The following WDR70 variants were observed in gnomAD, a reference collection of about 807,000 sequenced individuals.
The protein encoded by WDR70 is WD repeat-containing protein 70.
Under a neutral mutation model 88.6 loss-of-function variants are expected in WDR70, and 53 were observed. The ratio of observed to expected loss-of-function variants is 0.60; its 90% CI spans 0.48 to 0.75. The LOEUF is 0.75. Ranked by LOEUF, WDR70 falls within the 30% of genes least tolerant of loss-of-function variation. The pLI is 0.00. For synonymous variants in WDR70, 280 were observed against 270.0 expected (o/e 1.04, Z -0.36); for missense variants, 610 against 823.2 (o/e 0.74, Z 3.17).
intron 8 of WDR70, among the ~76,000 whole-genome samples, chr5:37,499,587 TTCTCTCTCTCTCTC>T (rs72226896): frequency 2.4e-5 from 1 of 41,856 alleles, no homozygotes; most frequent in Admixed American, 3.2e-4. Context: ...TTTGGAAATA[TTCTCTCTCTCTCTC>T]TCTCTCTCTC....
At chr5:37,485,081 A>G (rs1739815246) in intron 8 of WDR70, among the ~76,000 whole-genome samples, 1 of 152,198 alleles carries the variant, frequency 6.6e-6, no homozygotes, top group Middle Eastern at 3.2e-3. Context: ...TCTGCCACAA[A>G]CATATTAAAG....
intron 17 of WDR70, among the ~76,000 whole-genome samples, chr5:37,750,624 T>C (rs1748776681): frequency 6.6e-6 from 1 of 152,210 alleles, no homozygotes; most frequent in Non-Finnish European, 1.5e-5. Flanking sequence ...GGGAAGGACC[T>C]AGTGGGAAGT....
intron 10 of WDR70, among the ~76,000 whole-genome samples, chr5:37,615,528 C>A (rs1322876598): frequency 6.6e-6 from 1 of 152,118 alleles, no homozygotes; most frequent in Non-Finnish European, 1.5e-5. Flanking sequence ...TGCAAAGGGA[C>A]GTCATCTTTC....
chr5:37,738,624 A>T (rs1581539000), intron 17 of WDR70, among the ~76,000 whole-genome samples: 1 of 152,314 alleles, frequency 6.6e-6, no homozygotes, highest in African/African-American at 2.4e-5. Context: ...AGAAGATTGC[A>T]GAGGGACTCT....
At chr5:37,651,823 A>C (rs1029141792) in intron 10 of WDR70, among the ~76,000 whole-genome samples, 1 of 151,824 alleles carries the variant, frequency 6.6e-6, no homozygotes, top group Non-Finnish European at 1.5e-5. Context: ...TTTTCTTGTA[A>C]ATTTGTTTAA....
intron 8 of WDR70, among the ~76,000 whole-genome samples, chr5:37,510,125 TTTAAAC>T (rs1740680400): frequency 6.6e-6 from 1 of 152,140 alleles, no homozygotes; most frequent in Non-Finnish European, 1.5e-5. Flanking sequence ...TTGGTATAAT[TTTAAAC>T]TTAAAGAATA....
intron 8 of WDR70, among the ~76,000 whole-genome samples, chr5:37,495,928 G>A (rs1434606800): frequency 1.3e-5 from 2 of 152,158 alleles, no homozygotes; most frequent in African/African-American, 4.8e-5. Context: ...TCACAGTCTT[G>A]TAGGTTTTTT....
chr5:37,677,272 G>T (rs944391368), intron 10 of WDR70, among the ~76,000 whole-genome samples: 11 of 151,810 alleles, frequency 7.2e-5, no homozygotes, highest in Non-Finnish European at 5.9e-5. Flanking sequence ...CTTGCCTTCT[G>T]CTAGCTTTTG....
intron 9 of WDR70, among the ~76,000 whole-genome samples, chr5:37,599,837 G>A (rs1340923499): frequency 6.6e-6 from 1 of 151,648 alleles, no homozygotes; most frequent in Non-Finnish European, 1.5e-5. Context: ...AGTTTGCAGT[G>A]AGCCGAGATC....
chr5:37,683,228 G>C (rs1384191301), intron 10 of WDR70, among the ~76,000 whole-genome samples: 1 of 152,172 alleles, frequency 6.6e-6, no homozygotes, highest in African/African-American at 2.4e-5. Context: ...ACCTGTGGCT[G>C]TCATGAGTCT....
intron 9 of WDR70, among the ~76,000 whole-genome samples, chr5:37,563,463 TG>T (rs1291687445): frequency 5.7e-5 from 3 of 52,266 alleles, no homozygotes; most frequent in Non-Finnish European, 9.0e-5. Flanking sequence ...ACGGGGCGGC[TG>T]GCCGGGCAGA....
At chr5:37,693,854 T>G (rs1746893986) in intron 10 of WDR70, among the ~76,000 whole-genome samples, 2 of 151,480 alleles carry the variant, frequency 1.3e-5, no homozygotes, top group Non-Finnish European at 3.0e-5. Context: ...AAATAGACAA[T>G]GTATCTAATT....
chr5:37,412,485 C>G (rs1006411218), intron 5 of WDR70, among the ~76,000 whole-genome samples: 2 of 151,800 alleles, frequency 1.3e-5, no homozygotes, highest in Admixed American at 1.3e-4. Flanking sequence ...GGTTCTAACT[C>G]ATAATTAAAT....
chr5:37,624,329 C>T (rs1437410535), intron 10 of WDR70, among the ~76,000 whole-genome samples: 1 of 152,130 alleles, frequency 6.6e-6, no homozygotes, highest in African/African-American at 2.4e-5. Context: ...GCTTATTTCA[C>T]TTACCTTCCA....
chr5:37,603,230 C>T (rs1244431347), intron 9 of WDR70, among the ~76,000 whole-genome samples: 2 of 151,988 alleles, frequency 1.3e-5, no homozygotes, highest in Non-Finnish European at 2.9e-5. Context: ...GGAGACATCA[C>T]ATCACACTCC....
intron 9 of WDR70, among the ~76,000 whole-genome samples, chr5:37,558,615 T>C (rs1742387190): frequency 6.6e-6 from 1 of 152,154 alleles, no homozygotes; most frequent in African/African-American, 2.4e-5. Flanking sequence ...CATGAGCCAC[T>C]GCACCCAGCC....
At chr5:37,738,573 G>A (rs1748375171) in intron 17 of WDR70, among the ~76,000 whole-genome samples, 1 of 152,028 alleles carries the variant, frequency 6.6e-6, no homozygotes, top group Non-Finnish European at 1.5e-5. Context: ...GTAATACTTT[G>A]AATCTCTCAC....
chr5:37,622,776 G>T (rs1744549069), intron 10 of WDR70, among the ~76,000 whole-genome samples: 1 of 152,056 alleles, frequency 6.6e-6, no homozygotes, highest in African/African-American at 2.4e-5. Context: ...AGCATTAGGA[G>T]ATATACCTAA....
intron 17 of WDR70, among the ~76,000 whole-genome samples, chr5:37,744,666 A>G: frequency 6.6e-6 from 1 of 151,834 alleles, no homozygotes; most frequent in Non-Finnish European, 1.5e-5. Context: ...AAATCAACCA[A>G]GCAGAAGAAA....
Sources: allele counts gnomAD v4.1 joint callset (sites outside exome capture counted in the v4.1 genomes callset), GRCh38; gene constraint gnomAD v4.1.1; transcripts MANE v1.5; gene names NCBI Gene and HGNC (gene_info 2026-07-23, HGNC 2026-07-21).